COMMD1: variants seen among roughly 807,000 people sequenced by gnomAD.
COMMD1 encodes copper metabolism domain containing 1, also known as COMM domain-containing protein 1.
Under a neutral mutation model 17.2 loss-of-function variants are expected in COMMD1, and 10 were observed. The ratio of observed to expected loss-of-function variants is 0.58; its 90% confidence interval spans 0.36 to 0.99. The LOEUF (loss-of-function observed/expected upper bound fraction) is 0.99. COMMD1 is among the 50% of genes least tolerant of loss of function. COMMD1 has a pLI of 0.01. For missense variants in COMMD1, 270 were observed against 231.8 expected (o/e 1.17, Z -1.07); for synonymous variants, 97 against 91.6 (o/e 1.06, Z -0.34).
chr2:61,931,059 C>T lies in COMMD1; in HGVS notation c.180+25201C>T, dbSNP rs1035598343. The stretch of plus-strand genomic sequence containing the variant: ...GGGTATGGGGGCTCGTGCCTGTAAT[C>T]CTCGCACTTTGGGAGGCTGATGCAG... On this transcript the variant is annotated intron_variant, in intron 1 of 2. Coordinates refer to ENST00000311832, the MANE Select transcript of COMMD1 (RefSeq NM_152516.4). Among the ~76,000 whole-genome samples, 13 of 152,108 alleles carry T rather than the reference C, an allele frequency of 8.5e-5. No individual in the cohort carries two copies. In the South Asian group the frequency reaches 2.5e-3, roughly 29 times the overall value.
intron 1 of COMMD1, among the ~76,000 whole-genome samples, chr2:61,923,899 C>A (rs1234391663): frequency 6.6e-6 from 1 of 152,172 alleles, no homozygotes; most frequent in Non-Finnish European, 1.5e-5. Flanking sequence ...ACCTCAGCCT[C>A]CTGAGTAGTT....
At chr2:61,979,760 T>A (rs1395977792) in intron 1 of COMMD1, among the ~76,000 whole-genome samples, 1 of 148,638 alleles carries the variant, frequency 6.7e-6, no homozygotes, top group African/African-American at 2.5e-5. Flanking sequence ...TTTTTTTTTT[T>A]ATTATACTCT....
chr2:61,948,640 C>G (rs553318519), intron 1 of COMMD1, among the ~76,000 whole-genome samples: 1 of 152,162 alleles, frequency 6.6e-6, no homozygotes, highest in African/African-American at 2.4e-5. Flanking sequence ...GTCTTTGCCT[C>G]ACTTTATTTT....
chr2:62,012,371 A>G (rs1397693338), intron 2 of COMMD1, among the ~76,000 whole-genome samples: 2 of 137,614 alleles, frequency 1.5e-5, no homozygotes, highest in Admixed American at 7.9e-5. Context: ...CTTGTTGCCC[A>G]GGCTGGAGTG....
At chr2:62,076,132 CAA>C (rs1259152604) in intron 2 of COMMD1, among the ~76,000 whole-genome samples, 1 of 152,242 alleles carries the variant, frequency 6.6e-6, no homozygotes, top group Non-Finnish European at 1.5e-5. Flanking sequence ...GACTGTGGTA[CAA>C]AGTCTCATCC....
chr2:61,998,245 T>G (rs1201425031), intron 1 of COMMD1, among the ~76,000 whole-genome samples: 3 of 149,450 alleles, frequency 2.0e-5, no homozygotes, highest in East Asian at 2.0e-4. Flanking sequence ...TGTTGTGCTT[T>G]CTTTTTTTTT....
At chr2:61,917,423 G>A (rs1469489869) in intron 1 of COMMD1, among the ~76,000 whole-genome samples, 2 of 151,898 alleles carry the variant, frequency 1.3e-5, no homozygotes, top group East Asian at 3.9e-4. Flanking sequence ...ATGCGTTAGT[G>A]ATGAGTTTTT....
intron 1 of COMMD1, among the ~76,000 whole-genome samples, chr2:61,925,982 T>C (rs1378660703): frequency 6.6e-6 from 1 of 152,156 alleles, no homozygotes; most frequent in African/African-American, 2.4e-5. Flanking sequence ...TTTTTGTTTT[T>C]GTTTTTGAGA....
chr2:62,045,500 C>A (rs1670354608), intron 2 of COMMD1, among the ~76,000 whole-genome samples: 1 of 151,644 alleles, frequency 6.6e-6, no homozygotes, highest in Non-Finnish European at 1.5e-5. Flanking sequence ...TTTTTGGTCC[C>A]TGAGCAAGGT....
intron 1 of COMMD1, among the ~76,000 whole-genome samples, chr2:61,889,324 A>C (rs1450717927): frequency 6.9e-6 from 1 of 144,062 alleles, no homozygotes; most frequent in Non-Finnish European, 1.5e-5. Context: ...CTCCCGCCAC[A>C]GCCTCCCAAC....
intron 2 of COMMD1, among the ~76,000 whole-genome samples, chr2:62,012,615 G>T (rs1669315766): frequency 6.6e-6 from 1 of 151,752 alleles, no homozygotes; most frequent in Non-Finnish European, 1.5e-5. Flanking sequence ...ACCGCACCCG[G>T]CCCCTTTGGC....
intron 2 of COMMD1, among the ~76,000 whole-genome samples, chr2:62,118,634 A>G (rs1381651266): frequency 1.3e-5 from 2 of 152,192 alleles, no homozygotes; most frequent in Non-Finnish European, 2.9e-5. Context: ...AATAGGATCT[A>G]GTTGTGGGGT....
intron 2 of COMMD1, among the ~76,000 whole-genome samples, chr2:62,058,155 A>G (rs1313700261): frequency 6.6e-6 from 1 of 152,188 alleles, no homozygotes; most frequent in Non-Finnish European, 1.5e-5. Context: ...GTATTGGTGA[A>G]TAGACCATGC....
intron 1 of COMMD1, among the ~76,000 whole-genome samples, chr2:61,995,433 A>G (rs973877097): frequency 8.7e-4 from 133 of 152,332 alleles, no homozygotes; most frequent in African/African-American, 3.1e-3. Flanking sequence ...TTGGCCTTCT[A>G]AGTTCTGAGA....
chr2:61,986,815 T>C (rs10204983), intron 1 of COMMD1, among the ~76,000 whole-genome samples: 17,956 of 152,006 alleles, frequency 0.12, 2,548 homozygotes, highest in African/African-American at 0.34. Context: ...GCAATCTGCC[T>C]GCCTTGGCCT....
intron 1 of COMMD1, among the ~76,000 whole-genome samples, chr2:61,947,539 C>G (rs1006399446): frequency 6.6e-6 from 1 of 151,836 alleles, no homozygotes; most frequent in African/African-American, 2.4e-5. Context: ...AAAAATTAGC[C>G]TGGTGTGGTG....
At chr2:62,028,477 A>G (rs150077534) in intron 2 of COMMD1, among the ~76,000 whole-genome samples, 63 of 152,306 alleles carry the variant, frequency 4.1e-4, no homozygotes, top group African/African-American at 1.5e-3. Flanking sequence ...TTTTCCTTCT[A>G]ACTGAAGATT....
At chr2:61,946,504 AG>A (rs1670910800) in intron 1 of COMMD1, among the ~76,000 whole-genome samples, 2 of 152,208 alleles carry the variant, frequency 1.3e-5, no homozygotes, top group South Asian at 4.1e-4. Context: ...TTTCCTAGGC[AG>A]ATTACTTAAA....
chr2:62,066,577 A>AT (rs1260360931), intron 2 of COMMD1, among the ~76,000 whole-genome samples: 1 of 149,530 alleles, frequency 6.7e-6, no homozygotes, highest in Admixed American at 6.8e-5. Flanking sequence ...AATTTTTTGT[A>AT]TTTTTAGTAG....
Sources: gnomAD v4.1 joint callset for allele counts (sites outside exome capture counted in the v4.1 genomes callset) on GRCh38, gnomAD v4.1.1 for gene constraint, MANE v1.5 for transcripts, NCBI Gene and HGNC (gene_info 2026-07-23, HGNC 2026-07-21) for gene names.